TRPM3: variants seen among roughly 807,000 people sequenced by gnomAD.
The protein encoded by TRPM3 is transient receptor potential cation channel subfamily M member 3, also known as long transient receptor potential channel 3.
TRPM3 carries 77 observed loss-of-function variants against 181.2 expected under a neutral mutation model. The observed-to-expected ratio is 0.42, with a 90% CI of 0.35 to 0.51. The LOEUF (loss-of-function observed/expected upper bound fraction) is 0.51. TRPM3 is among the 20% of genes least tolerant of loss of function. The pLI is 0.01. For synonymous variants in TRPM3, 745 were observed against 796.4 expected (o/e 0.94, Z 1.09); for missense variants, 1,759 against 2,196.7 (o/e 0.80, Z 3.98).
chr9:70,769,676 C>T (rs188876029), intron 7 of TRPM3, among the ~76,000 whole-genome samples: 14 of 152,216 alleles, frequency 9.2e-5, no homozygotes, highest in Non-Finnish European at 1.5e-4. Context: ...ATGTGAAAGG[C>T]TCTGATTACT....
chr9:70,833,618 C>G (rs1277201445), intron 5 of TRPM3, among the ~76,000 whole-genome samples: 1 of 152,140 alleles, frequency 6.6e-6, no homozygotes, highest in African/African-American at 2.4e-5. Flanking sequence ...ACTCTTTTCT[C>G]TAAATCCCAT....
At chr9:70,926,765 A>T (rs995021054) in intron 1 of TRPM3, among the ~76,000 whole-genome samples, 4 of 152,188 alleles carry the variant, frequency 2.6e-5, no homozygotes, top group Admixed American at 6.5e-5. Context: ...CTCCTTGAAC[A>T]TATTGTAACA....
At chr9:70,635,132 C>T (rs974378676) in intron 12 of TRPM3, 79 bp downstream of exon 12, 2 of 1,262,756 alleles carry the variant, frequency 1.6e-6, no homozygotes, top group East Asian at 2.3e-5. Flanking sequence ...TCTGGCAGCT[C>T]ATGCAAAACA....
intron 1 of TRPM3, among the ~76,000 whole-genome samples, chr9:71,196,385 CAA>C (rs2078364150): frequency 6.6e-6 from 1 of 151,942 alleles, no homozygotes; most frequent in South Asian, 2.1e-4. Context: ...ACTCAATTTT[CAA>C]AAGTCTTCCC....
In TRPM3 at chr9:70,914,049, G is replaced by T. The variant is rs543177512; in HGVS notation, c.178-49538C>A. Among the ~76,000 whole-genome samples, 9 of 152,314 alleles carry T rather than the reference G, an allele frequency of 5.9e-5. No homozygotes were observed. In the South Asian group the frequency reaches 1.9e-3, roughly 32 times the overall value. On this transcript the variant is annotated intron_variant, in intron 1 of 25. Coordinates refer to ENST00000677713, the MANE Select transcript of TRPM3 (RefSeq NM_001366145.2). ...AAATACCACACTATGGTTTGAATGT[G>T]TGTCCTTTCAAAATTCATATGTTGA... is the stretch of plus-strand genomic sequence containing the variant.
intron 1 of TRPM3, among the ~76,000 whole-genome samples, chr9:71,027,257 C>T (rs2056680013): frequency 6.6e-6 from 1 of 152,120 alleles, no homozygotes; most frequent in South Asian, 2.1e-4. Context: ...CCACTGACCA[C>T]CTTATACCAT....
At chr9:71,397,508 G>T (rs1314490985) in intron 1 of TRPM3, among the ~76,000 whole-genome samples, 1 of 152,000 alleles carries the variant, frequency 6.6e-6, no homozygotes, top group Non-Finnish European at 1.5e-5. Flanking sequence ...GTGTTTGTTG[G>T]GTTAAACCTA....
intron 1 of TRPM3, among the ~76,000 whole-genome samples, chr9:71,000,421 G>C (rs2097586122): frequency 6.6e-6 from 1 of 152,184 alleles, no homozygotes; most frequent in African/African-American, 2.4e-5. Flanking sequence ...TCCATGGCCA[G>C]GCCTCTGTGG....
chr9:70,859,700 A>G (rs1426929281), intron 3 of TRPM3, among the ~76,000 whole-genome samples: 4 of 152,048 alleles, frequency 2.6e-5, no homozygotes, highest in Admixed American at 6.6e-5. Context: ...AGGGTCTGTC[A>G]AATGCACTAC....
At chr9:71,428,076 TTTG>T (rs1456309483) in intron 1 of TRPM3, among the ~76,000 whole-genome samples, 1 of 151,948 alleles carries the variant, frequency 6.6e-6, no homozygotes, top group African/African-American at 2.4e-5. Flanking sequence ...AGCCTGTTTT[TTTG>T]TTGTTGTTGT....
chr9:71,019,008 C>A (rs1330710570), intron 1 of TRPM3, among the ~76,000 whole-genome samples: 6 of 151,816 alleles, frequency 4.0e-5, no homozygotes, highest in Non-Finnish European at 8.8e-5. Context: ...TAATTCACCA[C>A]ATTAACTAAA....
intron 7 of TRPM3, chr9:70,774,328 G>A (rs573557051): frequency 2.0e-3 from 311 of 152,798 alleles, no homozygotes; most frequent in African/African-American, 7.1e-3. Flanking sequence ...TTAATGAATA[G>A]TAAATATATT....
intron 1 of TRPM3, among the ~76,000 whole-genome samples, chr9:70,959,303 A>C (rs962807273): frequency 2.0e-5 from 3 of 152,100 alleles, no homozygotes; most frequent in African/African-American, 7.2e-5. Flanking sequence ...TTAATACAAT[A>C]ATACAACAAT....
intron 1 of TRPM3, among the ~76,000 whole-genome samples, chr9:71,195,959 G>A (rs2078324702): frequency 6.6e-6 from 1 of 151,992 alleles, no homozygotes. Context: ...GCCTACCAGA[G>A]GATGGAGAGG....
At chr9:70,614,824 C>A (rs1267834372) in intron 18 of TRPM3, among the ~76,000 whole-genome samples, 6 of 152,182 alleles carry the variant, frequency 3.9e-5, no homozygotes, top group Non-Finnish European at 8.8e-5. Flanking sequence ...ATTACTATTG[C>A]CAATTTTCTT....
At chr9:71,352,154 C>T (rs1449257308) in intron 1 of TRPM3, among the ~76,000 whole-genome samples, 4 of 152,024 alleles carry the variant, frequency 2.6e-5, no homozygotes, top group Middle Eastern at 3.4e-3. Flanking sequence ...GGATTACAGG[C>T]GTGAGCCACT....
intron 1 of TRPM3, among the ~76,000 whole-genome samples, chr9:71,402,205 C>T (rs187385798): frequency 2.0e-4 from 31 of 152,288 alleles, no homozygotes; most frequent in Non-Finnish European, 3.8e-4. Context: ...ATTTAAATAT[C>T]GAGTTCACTT....
intron 1 of TRPM3, among the ~76,000 whole-genome samples, chr9:71,355,761 C>A (rs562017732): frequency 2.4e-4 from 36 of 152,114 alleles, no homozygotes; most frequent in Non-Finnish European, 3.1e-4. Flanking sequence ...GGATACAGAG[C>A]ATGAGCTAGG....
At chr9:71,159,636 G>A (rs564345395) in intron 1 of TRPM3, among the ~76,000 whole-genome samples, 4 of 152,132 alleles carry the variant, frequency 2.6e-5, no homozygotes, top group African/African-American at 4.8e-5. Flanking sequence ...AAAAGGGTAC[G>A]AGCCCTTTTT....
Sources: gnomAD v4.1 joint callset for allele counts (sites outside exome capture counted in the v4.1 genomes callset) on GRCh38, gnomAD v4.1.1 for gene constraint, MANE v1.5 for transcripts, NCBI Gene and HGNC (gene_info 2026-07-23, HGNC 2026-07-21) for gene names.